CFAP251: variants seen among roughly 807,000 people sequenced by gnomAD.
CFAP251 encodes the protein cilia- and flagella-associated protein 251.
CFAP251 carries 93 observed loss-of-function variants against 126.7 expected under a neutral mutation model. The ratio of observed to expected loss-of-function variants is 0.73; its 90% CI spans 0.62 to 0.87. The LOEUF (loss-of-function observed/expected upper bound fraction) is 0.87, where lower values mean the gene tolerates loss of function less well. CFAP251 is among the 40% of genes least tolerant of loss of function. The pLI is 0.00. For synonymous variants in CFAP251, 503 were observed against 506.9 expected (o/e 0.99, Z 0.10); for missense variants, 1,287 against 1,389.2 (o/e 0.93, Z 1.17).
intron 2 of CFAP251, 83 bp from the exon 3 acceptor site, chr12:121,923,539 A>G: frequency 6.7e-7 from 1 of 1,497,866 alleles, no homozygotes; most frequent in Admixed American, 2.2e-5. Flanking sequence ...TAACACTAAG[A>G]CTGGCTGACT....
At chr12:121,966,884 C>T (rs548634238) in intron 15 of CFAP251, 71 bp from the exon 16 acceptor site, 31 of 1,482,072 alleles carry the variant, frequency 2.1e-5, no homozygotes, top group Admixed American at 1.0e-4. Flanking sequence ...GCGCCTGGCC[C>T]GACCAAAGAA....
intron 19 of CFAP251, among the ~76,000 whole-genome samples, chr12:121,988,736 C>CT (rs942650571): frequency 1.3e-5 from 2 of 148,606 alleles, no homozygotes; most frequent in African/African-American, 5.0e-5. Flanking sequence ...ATTTTTTTTT[C>CT]TTTTTTTTCT....
intron 5 of CFAP251, among the ~76,000 whole-genome samples, chr12:121,942,284 A>G (rs1156562375): frequency 6.6e-6 from 1 of 152,036 alleles, no homozygotes; most frequent in Non-Finnish European, 1.5e-5. Flanking sequence ...GTTTCATATG[A>G]GTGGACTCAT....
chr12:121,966,939 C>A lies in CFAP251; in HGVS notation c.2493-16C>A, dbSNP rs1047848019. 1 of 1,608,878 alleles carries A rather than the reference C, an allele frequency of 6.2e-7. No homozygotes were observed. The highest frequency in any genetic ancestry group is 8.5e-7 in the Non-Finnish European group (1 of 1,176,494). On this transcript the variant is annotated splice_polypyrimidine_tract_variant and intron_variant, in intron 15 of 21. Coordinates refer to ENST00000288912, the MANE Select transcript of CFAP251 (RefSeq NM_144668.6). ...ATTTGTGGAATTTTAAAAACTCTTT[C>A]TCTTTTTGCCTTCAGAAAGACGCTT...
At chr12:121,929,424 C>A (rs1351806937) in intron 3 of CFAP251, among the ~76,000 whole-genome samples, 1 of 151,504 alleles carries the variant, frequency 6.6e-6, no homozygotes, top group African/African-American at 2.4e-5. Flanking sequence ...CACAGTTTTC[C>A]CTTTTATTCA....
At chr12:121,979,102 T>C (rs1185993549) in intron 19 of CFAP251, among the ~76,000 whole-genome samples, 1 of 152,144 alleles carries the variant, frequency 6.6e-6, no homozygotes, top group Non-Finnish European at 1.5e-5. Context: ...CTACCCAGAA[T>C]CACCTGTTTT....
chr12:121,967,892 C>G, intron 16 of CFAP251, 114 bp from the exon 17 acceptor site: 2 of 966,296 alleles, frequency 2.1e-6, no homozygotes, highest in African/African-American at 1.6e-5. Context: ...AGAGATGGGT[C>G]CAGACACACA....
intron 14 of CFAP251, 109 bp from the exon 15 acceptor site, chr12:121,961,869 C>A: frequency 8.8e-7 from 1 of 1,140,834 alleles, no homozygotes; most frequent in Non-Finnish European, 1.3e-6. Flanking sequence ...CCCAGAACAG[C>A]ACTGTTGGCT....
chr12:121,976,994 AATC>A (rs1479623595), intron 19 of CFAP251, among the ~76,000 whole-genome samples: 1 of 152,250 alleles, frequency 6.6e-6, no homozygotes, highest in African/African-American at 2.4e-5. Flanking sequence ...ATATTTATAT[AATC>A]ATATATATAA....
intron 10 of CFAP251, 116 bp from the exon 11 acceptor site, chr12:121,956,958 T>G (rs1175346216): frequency 2.7e-6 from 2 of 727,448 alleles, no homozygotes; most frequent in Non-Finnish European, 4.2e-6. Context: ...GTTGGGAGTA[T>G]TAAATTAAGT....
intron 5 of CFAP251, among the ~76,000 whole-genome samples, chr12:121,941,075 GGCT>G (rs1881093400): frequency 6.6e-6 from 1 of 151,024 alleles, no homozygotes; most frequent in African/African-American, 2.4e-5. Context: ...TTTGTTCCCC[GGCT>G]GGAGTGCAAT....
intron 10 of CFAP251, among the ~76,000 whole-genome samples, 181 bp downstream of exon 10, chr12:121,954,515 T>G (rs1020866704): frequency 6.6e-6 from 1 of 151,148 alleles, no homozygotes; most frequent in African/African-American, 2.4e-5. Flanking sequence ...AGACCCTATC[T>G]CTACCAAAAA....
At position 121,957,149 on chromosome 12, in the gene CFAP251, T is replaced by A. The variant is rs1881753399; in HGVS notation, c.1611T>A (p.Ser537Arg). 1 of 1,614,008 alleles carries A rather than the reference T, an allele frequency of 6.2e-7. No homozygotes were observed. The highest frequency in any genetic ancestry group is 1.3e-5 in the African/African-American group (1 of 74,920). ...DHTLSIVNWY[S>R]HLKLGAIRTL... ...CCCTGTCTATTGTTAACTGGTACAG[T>A]CACTTGAAACTGGGCGCCATAAGAA... Residue 537 changes from serine (S) to arginine (R), a missense_variant, in exon 11 of 22, where the codon AGT becomes AGA. Physicochemically the swap from Ser to Arg is moderately radical, Grantham distance 110 (BLOSUM62 -1). Transcript: ENST00000288912.
chr12:121,957,371 C>T lies in CFAP251; in HGVS notation c.1730+103C>T, dbSNP rs1881762477. On this transcript the variant is annotated intron_variant, in intron 11 of 21. Coordinates refer to ENST00000288912, the MANE Select transcript of CFAP251 (RefSeq NM_144668.6). ...GTTCGTGTTGTTCCTGGGATATCTC[C>T]CTGGCTGATTGTGATAACCACTGGA... is the stretch of plus-strand genomic sequence containing the variant. 22 of 1,184,754 alleles carry T rather than the reference C, an allele frequency of 1.9e-5. No homozygotes were observed. In the South Asian group the frequency reaches 3.2e-4, roughly 17 times the overall value. 73.4% of individuals were successfully genotyped at this position (1,184,754 alleles called of 1,614,324 possible). A position where few individuals can be genotyped will look rare whatever the true frequency, so the allele number is the denominator to read the frequency against.
chr12:121,975,739 A>G (rs1565919334), intron 19 of CFAP251, 54 bp downstream of exon 19: 6 of 1,511,354 alleles, frequency 4.0e-6, no homozygotes, highest in Non-Finnish European at 4.4e-6. Flanking sequence ...ATAAAAAACA[A>G]CCTCTGGGAA....
At chr12:121,959,147 C>A in intron 13 of CFAP251, 53 bp downstream of exon 13, 2 of 1,509,024 alleles carry the variant, frequency 1.3e-6, no homozygotes, top group Non-Finnish European at 8.9e-7. Context: ...TTATTTGAAA[C>A]CAAAAGAGGC....
At chr12:121,937,778 C>A (rs894432479) in intron 5 of CFAP251, among the ~76,000 whole-genome samples, 1 of 152,152 alleles carries the variant, frequency 6.6e-6, no homozygotes, top group African/African-American at 2.4e-5. Flanking sequence ...CATTACCCAA[C>A]CCTGATCCTC....
At chr12:121,955,837 G>T (rs766808629) in intron 10 of CFAP251, 1 of 152,204 alleles carries the variant, frequency 6.6e-6, no homozygotes, top group Non-Finnish European at 1.5e-5. Flanking sequence ...ATCCAGTGGA[G>T]ACCAGGCCTG....
intron 14 of CFAP251, among the ~76,000 whole-genome samples, chr12:121,961,238 C>T (rs1402132091): frequency 6.6e-6 from 1 of 150,970 alleles, no homozygotes; most frequent in Non-Finnish European, 1.5e-5. Context: ...GTTTTTCCTT[C>T]CTCCCTCCCT....
Sources: gnomAD v4.1 joint callset for allele counts (sites outside exome capture counted in the v4.1 genomes callset) on GRCh38, gnomAD v4.1.1 for gene constraint, MANE v1.5 for transcripts, NCBI Gene and HGNC (gene_info 2026-07-23, HGNC 2026-07-21) for gene names.